The following BRDT variants were observed in gnomAD, a reference collection of about 807,000 sequenced individuals.
The protein encoded by BRDT is bromodomain testis associated, also known as bromodomain testis-specific protein.
In BRDT, 77 loss-of-function variants were observed where a neutral mutation model predicts 113.9. The ratio of observed to expected loss-of-function variants is 0.68; its 90% CI spans 0.56 to 0.82. The LOEUF (loss-of-function observed/expected upper bound fraction) is 0.82. Among genes scored for constraint, BRDT ranks in the 40% least tolerant of loss-of-function variants. The pLI is 0.00. For synonymous variants in BRDT, 358 were observed against 366.5 expected (o/e 0.98, Z 0.26); for missense variants, 1,027 against 1,105.4 (o/e 0.93, Z 1.01).
chr1:91,965,813 C>T (rs1683001539), intron 3 of BRDT, among the ~76,000 whole-genome samples: 2 of 151,810 alleles, frequency 1.3e-5, no homozygotes. Flanking sequence ...CACCATTGCA[C>T]TCCAGCCTGG....
chr1:91,963,788 C>CTT (rs57708341), intron 2 of BRDT, among the ~76,000 whole-genome samples: 4 of 119,558 alleles, frequency 3.3e-5, no homozygotes, highest in African/African-American at 6.1e-5. Context: ...TCTTTATTGG[C>CTT]TTTTTTTTTT....
At chr1:91,982,345 GTATAGTT>G (rs1432453351) in intron 12 of BRDT, among the ~76,000 whole-genome samples, 2 of 152,038 alleles carry the variant, frequency 1.3e-5, no homozygotes, top group African/African-American at 2.4e-5. Flanking sequence ...ATATTATCTT[GTATAGTT>G]TAGCAGTTGT....
chr1:91,970,286 C>T (rs1683498147), intron 4 of BRDT, among the ~76,000 whole-genome samples: 1 of 152,140 alleles, frequency 6.6e-6, no homozygotes, highest in Non-Finnish European at 1.5e-5. Context: ...TATTTCGAGA[C>T]AGGGTCTCAT....
chr1:91,994,103 C>T lies in BRDT; in HGVS notation c.2136C>T (p.Asp712=). 6.2e-7 allele frequency: 1 copy of T among 1,609,340 alleles called. No homozygotes were observed. The highest frequency in any genetic ancestry group is 8.5e-7 in the Non-Finnish European group (1 of 1,178,548). ...AACAGATAGGATATTGTGTGCAAGA[C>T]ACAACCTCTGCCAATACTACCCTTG... ...GVTQIGYCVQ[D]TTSANTTLVH... Residue 712 remains aspartate (D), a synonymous_variant, in exon 15 of 19, where the codon GAC becomes GAT. Transcript: ENST00000399546.
Position 91,964,704 on chromosome 1 carries a change from G to A in BRDT, c.270G>A (p.Lys90=). ...GCTTGGAGAATAAATATTATGCGAA[G>A]GCTTCAGAATGTATAGAAGACTTCA... ...KKRLENKYYA[K]ASECIEDFNT... Residue 90 remains lysine (K), a synonymous_variant, in exon 3 of 19, where the codon AAG becomes AAA. Transcript: ENST00000399546. 1 of 1,528,438 alleles carries A rather than the reference G, an allele frequency of 6.5e-7. No individual in the cohort carries two copies. Among genetic ancestry groups the A allele is most frequent in the Non-Finnish European group, 8.9e-7 (1 of 1,118,408 alleles). 94.7% of individuals were successfully genotyped at this position (1,528,438 alleles called of 1,614,324 possible). A position where few individuals can be genotyped will look rare whatever the true frequency, so the allele number is the denominator to read the frequency against.
At chr1:91,961,562 A>G (rs1173246100) in intron 1 of BRDT, among the ~76,000 whole-genome samples, 1 of 151,396 alleles carries the variant, frequency 6.6e-6, no homozygotes, top group African/African-American at 2.4e-5. Flanking sequence ...CTGGGAGGCA[A>G]ACATTACAGT....
chr1:91,979,727 A>C lies in BRDT; in HGVS notation c.1257A>C (p.Arg419=). ...CTTCTGATGATTCTGAAGATGAGCG[A>C]GTTAAGCGTCTTGCAAAGCTTCAGG... ...GNSSDDSEDE[R]VKRLAKLQEQ... Residue 419 remains arginine, a synonymous_variant, in exon 8 of 19, where the codon CGA becomes CGC. Coordinates refer to ENST00000399546, the MANE Select transcript of BRDT (RefSeq NM_207189.4). 6.2e-7 allele frequency: 1 copy of C among 1,610,384 alleles called. No individual in the cohort carries two copies.
intron 14 of BRDT, 119 bp from the exon 15 acceptor site, chr1:91,993,964 A>T (rs1294880945): frequency 3.6e-6 from 3 of 826,542 alleles, no homozygotes; most frequent in Non-Finnish European, 5.4e-6. Flanking sequence ...TGACTTAAAT[A>T]ATAAGGTATT....
chr1:91,978,447 C>A, intron 7 of BRDT, 151 bp downstream of exon 7: 1 of 918,174 alleles, frequency 1.1e-6, no homozygotes, highest in Non-Finnish European at 1.6e-6. Flanking sequence ...ACCAACAAAA[C>A]AGTTTATGAA....
intron 12 of BRDT, among the ~76,000 whole-genome samples, chr1:91,984,777 G>A (rs950098362): frequency 1.3e-5 from 2 of 152,116 alleles, no homozygotes; most frequent in Non-Finnish European, 2.9e-5. Flanking sequence ...GCCTACAGGT[G>A]TGTGCCACCA....
intron 4 of BRDT, among the ~76,000 whole-genome samples, chr1:91,974,901 G>T (rs969094279): frequency 2.0e-5 from 3 of 152,212 alleles, no homozygotes; most frequent in African/African-American, 7.2e-5. Flanking sequence ...AACAATGATA[G>T]ACTGGATTAA....
At chr1:91,959,115 A>T (rs1050486694) in intron 1 of BRDT, among the ~76,000 whole-genome samples, 2 of 152,152 alleles carry the variant, frequency 1.3e-5, no homozygotes, top group African/African-American at 4.8e-5. Flanking sequence ...ACATATATAT[A>T]TTTTTGAGCC....
intron 5 of BRDT, 130 bp downstream of exon 5, chr1:91,976,568 A>G: frequency 1.1e-6 from 1 of 893,158 alleles, no homozygotes; most frequent in East Asian, 2.9e-5. Flanking sequence ...GCAATCTGAA[A>G]TAATACTGTT....
chr1:91,951,976 G>T (rs1014060882), intron 1 of BRDT, among the ~76,000 whole-genome samples: 1 of 152,122 alleles, frequency 6.6e-6, no homozygotes, highest in Non-Finnish European at 1.5e-5. Context: ...CTGAGTTCAG[G>T]AGTTTGAGAC....
At chr1:91,986,747 A>T (rs1464678678) in intron 12 of BRDT, among the ~76,000 whole-genome samples, 1 of 152,158 alleles carries the variant, frequency 6.6e-6, no homozygotes, top group African/African-American at 2.4e-5. Flanking sequence ...CATGACAAGG[A>T]TATGATTTTT....
At chr1:92,012,303 A>G (rs1040363003) in intron 18 of BRDT, among the ~76,000 whole-genome samples, 1 of 132,814 alleles carries the variant, frequency 7.5e-6, no homozygotes, top group Admixed American at 7.5e-5. Context: ...ATCTAGAAAA[A>G]AAAAAAAAAA....
chr1:91,962,771 G>A lies in BRDT; in HGVS notation c.17G>A (p.Arg6Gln), dbSNP rs56273490. The stretch of plus-strand genomic sequence containing the variant: ...CAGTTAAGAATGTCTCTGCCAAGTC[G>A]ACAAACAGCTATTATTGTTAACCCT... MSLPSRQTAIIVNPPP... is the reference protein window; with the variant it reads MSLPSQQTAIIVNPPP... The change falls in exon 2 of 19, where the codon CGA becomes CAA. Residue 6 changes from arginine to glutamine, a missense_variant. Arg to Gln is a conservative substitution (Grantham distance 43). Transcript: ENST00000399546. 161 of 1,588,656 alleles carry A rather than the reference G, an allele frequency of 1.0e-4. 2 individuals are homozygous for A. In the East Asian group the frequency reaches 2.5e-3, roughly 25 times the overall value.
intron 15 of BRDT, among the ~76,000 whole-genome samples, chr1:91,996,700 G>A (rs961004744): frequency 1.0e-3 from 157 of 152,318 alleles, no homozygotes; most frequent in Non-Finnish European, 4.7e-4. Flanking sequence ...ACTGTAGAAA[G>A]CATGTGGATA....
chr1:91,991,272 A>G, intron 13 of BRDT, 27 bp downstream of exon 13: 1 of 1,389,388 alleles, frequency 7.2e-7, no homozygotes, highest in South Asian at 1.3e-5. Context: ...TTTGTATCTG[A>G]ATTTTAAAAG....
Sources: allele counts gnomAD v4.1 joint callset (sites outside exome capture counted in the v4.1 genomes callset), GRCh38; gene constraint gnomAD v4.1.1; transcripts MANE v1.5; gene names NCBI Gene and HGNC (gene_info 2026-07-23, HGNC 2026-07-21).